The following ANKRD54 variants were observed in gnomAD, a reference collection of about 807,000 sequenced individuals.
ANKRD54 encodes the protein ankyrin repeat domain-containing protein 54.
A neutral mutation model predicts 36.2 loss-of-function variants in ANKRD54; 26 were observed. The ratio of observed to expected loss-of-function variants is 0.72; its 90% confidence interval spans 0.53 to 1.00. The LOEUF is 1.00. Among genes scored for constraint, ANKRD54 ranks in the 50% least tolerant of loss-of-function variants. ANKRD54 has a pLI of 0.00. For synonymous variants in ANKRD54, 209 were observed against 188.4 expected (o/e 1.11, Z -0.89); for missense variants, 384 against 424.3 (o/e 0.91, Z 0.83).
At position 37,844,265 on chromosome 22, in the gene ANKRD54, G is replaced by A. The variant is rs767084705; in HGVS notation, c.-27C>T. The A allele has an allele frequency of 1.3e-6, 2 of 1,541,422 alleles. No homozygotes were observed. The highest frequency in any genetic ancestry group is 1.2e-5 in the South Asian group (1 of 84,348). ...GCAACGGCTCCGCGCGGGCCTGGCC[G>A]CCTGAGCCTCGTTCCCGACCGACCA... On this transcript the variant is annotated 5_prime_UTR_variant, in exon 1 of 8. Transcript: ENST00000215941.
Position 37,832,985 on chromosome 22 carries a change from T to A in ANKRD54, c.693A>T (p.Leu231=), listed in dbSNP as rs1258972830. ...NILQEGHAQC[L]EAVRLEVKQI... is the part of the protein sequence containing the mutation. ...GCTTCACCTCCAGACGCACAGCCTC[T>A]AGGCACTGGGCATGGCCCTCCTGCA... Residue 231 remains leucine (L), a synonymous_variant, in exon 6 of 8, where the codon CTA becomes CTT. Transcript: ENST00000215941. The A allele has an allele frequency of 5.0e-6, 8 of 1,613,888 alleles. No homozygotes were observed. In the Admixed American group the frequency reaches 1.3e-4, roughly 27 times the overall value.
chr22:37,833,543 G>T, intron 4 of ANKRD54, 141 bp downstream of exon 4: 1 of 915,310 alleles, frequency 1.1e-6, no homozygotes, highest in African/African-American at 1.6e-5. Flanking sequence ...CTGCTGGGCA[G>T]TGCAGCCCTG....
upstream of ANKRD54, chr22:37,844,352 C>G: frequency 8.0e-7 from 1 of 1,247,026 alleles, no homozygotes; most frequent in Non-Finnish European, 1.1e-6. Context: ...GGGCAGGGCC[C>G]GCAACCACGG....
At chr22:37,847,999 AAC>A (rs1485305014), upstream of ANKRD54, among the ~76,000 whole-genome samples, 2 of 152,134 alleles carry the variant, frequency 1.3e-5, no homozygotes, top group Non-Finnish European at 2.9e-5. Context: ...AGACTTGGAT[AAC>A]AGTGAGTGCA....
At chr22:37,836,980 G>C (rs1217757335) in intron 3 of ANKRD54, among the ~76,000 whole-genome samples, 1 of 146,868 alleles carries the variant, frequency 6.8e-6, no homozygotes, top group Non-Finnish European at 1.5e-5. Context: ...AATGAGCCGA[G>C]ATCACGCCAT....
chr22:37,833,500 T>C (rs962458032), intron 4 of ANKRD54, among the ~76,000 whole-genome samples, 184 bp downstream of exon 4: 7 of 152,274 alleles, frequency 4.6e-5, no homozygotes, highest in Admixed American at 2.6e-4. Flanking sequence ...CACAGCCAAC[T>C]GCTAAATGAT....
chr22:37,836,834 G>A (rs1180396828), intron 3 of ANKRD54, among the ~76,000 whole-genome samples: 1 of 151,948 alleles, frequency 6.6e-6, no homozygotes, highest in African/African-American at 2.4e-5. Flanking sequence ...TTTGTGACTA[G>A]CCTGGCCAAC....
chr22:37,840,901 A>C (rs1924151533), intron 1 of ANKRD54, among the ~76,000 whole-genome samples: 1 of 151,906 alleles, frequency 6.6e-6, no homozygotes, highest in African/African-American at 2.4e-5. Flanking sequence ...AAAAACAAAA[A>C]CAACAAAAAC....
In ANKRD54 at chr22:37,831,255, A is replaced by G. The variant is rs1022236727; in HGVS notation, c.*688T>C. 2.0e-5 allele frequency: 3 copies of G among 152,222 alleles called. No homozygotes were observed. The highest frequency in any genetic ancestry group is 4.4e-5 in the Non-Finnish European group (3 of 68,052). 9.4% of individuals were successfully genotyped at this position (152,222 alleles called of 1,614,324 possible). On this transcript the variant is annotated 3_prime_UTR_variant, in exon 8 of 8. Transcript: ENST00000215941. ...TAGGACATGGGCATCTTGGGAGGCC[A>G]CTACTGGCCTACCACAACTGGGCAG...
chr22:37,833,261 CG>C, intron 4 of ANKRD54, 55 bp from the exon 5 acceptor site: 1 of 1,597,376 alleles, frequency 6.3e-7, no homozygotes, highest in Non-Finnish European at 8.5e-7. Flanking sequence ...CCTGGCTCTG[CG>C]TGGCCACTGG....
chr22:37,835,686 G>A (rs547527230), intron 3 of ANKRD54, among the ~76,000 whole-genome samples: 13 of 151,926 alleles, frequency 8.6e-5, no homozygotes, highest in African/African-American at 2.2e-4. Flanking sequence ...TGCACCTGTC[G>A]TCCCAGCTAC....
chr22:37,839,940 A>G (rs1007532760), intron 2 of ANKRD54, among the ~76,000 whole-genome samples: 2 of 152,236 alleles, frequency 1.3e-5, no homozygotes, highest in Admixed American at 6.5e-5. Flanking sequence ...TCCACCATCA[A>G]GGAGTCCACA....
chr22:37,835,983 C>T (rs997055040), intron 3 of ANKRD54, among the ~76,000 whole-genome samples: 9 of 151,842 alleles, frequency 5.9e-5, no homozygotes, highest in Non-Finnish European at 1.0e-4. Flanking sequence ...TACAGGCACC[C>T]GCCACCACAC....
chr22:37,838,455 C>T (rs372734726), intron 3 of ANKRD54, 45 bp downstream of exon 3: 13 of 1,558,192 alleles, frequency 8.3e-6, no homozygotes, highest in African/African-American at 4.1e-5. Flanking sequence ...TGTGCAGAGA[C>T]ACTACTTGCC....
At chr22:37,834,711 A>AAG (rs1378051345) in intron 3 of ANKRD54, 1 of 150,042 alleles carries the variant, frequency 6.7e-6, no homozygotes, top group Non-Finnish European at 1.5e-5. Flanking sequence ...AAAAAAAAAA[A>AAG]AAAAAAAAAA....
At position 37,831,826 on chromosome 22, in the gene ANKRD54, G is replaced by T; in HGVS notation, c.*117C>A. 2.8e-6 allele frequency: 3 copies of T among 1,082,146 alleles called. No homozygotes were observed. Among genetic ancestry groups the T allele is most frequent in the African/African-American group, 1.6e-5 (1 of 64,296 alleles). The allele number at this position is 1,082,146 out of a possible 1,614,324, so 67.0% of individuals were successfully genotyped here. Reference sequence around the variant, plus strand: ...TGCCCCACGGCATCTGCGGGTGAGGGCAAGGTCCTCACCAGACAAGTGCAG... The same window carrying T: ...TGCCCCACGGCATCTGCGGGTGAGGTCAAGGTCCTCACCAGACAAGTGCAG... On this transcript the variant is annotated 3_prime_UTR_variant, in exon 8 of 8. Transcript: ENST00000215941.
rs1467915065 is a variant in ANKRD54 at position 37,833,064 on chromosome 22, A to G, written c.614T>C (p.Leu205Pro). 1 of 1,613,632 alleles carries G rather than the reference A, an allele frequency of 6.2e-7. No individual in the cohort carries two copies. Among genetic ancestry groups the G allele is most frequent in the Non-Finnish European group, 8.5e-7 (1 of 1,179,906 alleles). Residue 205 changes from leucine to proline, a missense_variant, in exon 6 of 8, where the codon CTG (leucine) becomes CCG (proline). Physicochemically the swap from Leu to Pro is moderately conservative, Grantham distance 98. This residue lies in a region of ANKRD54 where 179 missense variants were observed against 224.0 expected (regional missense o/e 0.80). Transcript: ENST00000215941. ...LLRGGARVDA[L>P]DRAGRTPLHL... Reference sequence around the variant, plus strand: ...CAGGGGTGTGCGACCAGCTCGGTCCAGGGCATCTACACGGGCCCCTGCAGG... The same window carrying G: ...CAGGGGTGTGCGACCAGCTCGGTCCGGGGCATCTACACGGGCCCCTGCAGG...
intron 1 of ANKRD54, among the ~76,000 whole-genome samples, chr22:37,841,890 AAT>A: frequency 1.1e-4 from 2 of 17,508 alleles, no homozygotes; most frequent in African/African-American, 1.9e-3. Flanking sequence ...TAAATAAATA[AAT>A]AAATAAAATA....
upstream of ANKRD54, among the ~76,000 whole-genome samples, chr22:37,844,735 A>G (rs1012141713): frequency 1.3e-5 from 2 of 151,712 alleles, no homozygotes; most frequent in Non-Finnish European, 2.9e-5. Flanking sequence ...ACGCCCAGCT[A>G]ATTTTTGTAT....
Sources: gnomAD v4.1 joint callset for allele counts (sites outside exome capture counted in the v4.1 genomes callset) on GRCh38, gnomAD v4.1.1 for gene constraint, gnomAD v4.1.1 regional missense constraint, MANE v1.5 for transcripts, NCBI Gene and HGNC (gene_info 2026-07-23, HGNC 2026-07-21) for gene names.